MYO7A: variants seen among roughly 807,000 people sequenced by gnomAD.
MYO7A encodes unconventional myosin-VIIa.
In MYO7A, 210 loss-of-function variants were observed where a neutral mutation model predicts 263.8. The observed-to-expected ratio is 0.80, with a 90% confidence interval of 0.71 to 0.89. MYO7A has a LOEUF of 0.89. Ranked by LOEUF, MYO7A falls within the 40% of genes least tolerant of loss-of-function variation. The probability of loss-of-function intolerance (pLI) is 0.00; values close to 1 mark genes in which losing one functional copy is unlikely to be tolerated. For missense variants in MYO7A, 2,820 were observed against 2,968.3 expected (o/e 0.95, Z 1.16); for synonymous variants, 1,239 against 1,197.3 (o/e 1.03, Z -0.72).
Position 77,156,701 on chromosome 11 carries a change from T to A in MYO7A, c.512T>A (p.Ile171Asn), listed in dbSNP as rs1952494762. Residue 171 changes from isoleucine (I) to asparagine (N), a missense_variant, in exon 6 of 49, where the codon ATC becomes AAC. Ile to Asn is a moderately radical substitution (Grantham distance 149). Transcript: ENST00000409709. Reference sequence around the variant, plus strand: ...GGGAAGACGGAGAGCACAAAGCTGATCCTGCAGTTCCTGGCAGCCATCAGT... The same window carrying A: ...GGGAAGACGGAGAGCACAAAGCTGAACCTGCAGTTCCTGGCAGCCATCAGT... Reference protein sequence around the residue: ...GAGKTESTKLILQFLAAISGQ... With the variant: ...GAGKTESTKLNLQFLAAISGQ... 1 of 1,613,822 alleles carries A rather than the reference T, an allele frequency of 6.2e-7. No individual in the cohort carries two copies. Among genetic ancestry groups the A allele is most frequent in the Non-Finnish European group, 8.5e-7 (1 of 1,179,888 alleles).
chr11:77,158,221 C>G (rs1288283512), intron 8 of MYO7A, 56 bp from the exon 9 acceptor site: 1 of 1,503,334 alleles, frequency 6.7e-7, no homozygotes, highest in African/African-American at 1.4e-5. Flanking sequence ...AGGCACTGCC[C>G]CTCTGGGGGT....
chr11:77,163,665 A>C (rs1488540921), intron 14 of MYO7A, among the ~76,000 whole-genome samples: 1 of 152,246 alleles, frequency 6.6e-6, no homozygotes, highest in Non-Finnish European at 1.5e-5. Context: ...TCTGTGGTGA[A>C]GACGTGACTG....
At chr11:77,131,637 G>A (rs960181680) in intron 2 of MYO7A, among the ~76,000 whole-genome samples, 2 of 152,132 alleles carry the variant, frequency 1.3e-5, no homozygotes, top group African/African-American at 2.4e-5. Context: ...CTCCAGGGGC[G>A]TCCTCCCTCA....
intron 3 of MYO7A, among the ~76,000 whole-genome samples, chr11:77,144,974 G>A (rs919411371): frequency 4.6e-5 from 7 of 152,244 alleles, no homozygotes; most frequent in African/African-American, 1.7e-4. Flanking sequence ...CATTTCTTCA[G>A]GCCAGGCCTC....
chr11:77,148,508 C>G (rs556750891), intron 4 of MYO7A, among the ~76,000 whole-genome samples: 2 of 152,164 alleles, frequency 1.3e-5, no homozygotes, highest in Non-Finnish European at 2.9e-5. Context: ...ATGTCTGCCC[C>G]AGCCAGGACA....
At chr11:77,155,491 G>A (rs1555060728) in intron 4 of MYO7A, among the ~76,000 whole-genome samples, 1 of 152,184 alleles carries the variant, frequency 6.6e-6, no homozygotes, top group Admixed American at 6.5e-5. Context: ...ACATGGTCCC[G>A]TTGATTAATT....
intron 4 of MYO7A, among the ~76,000 whole-genome samples, chr11:77,151,109 G>C (rs34643147): frequency 0.089 from 13,583 of 152,258 alleles, 720 homozygotes; most frequent in Middle Eastern, 0.23. Flanking sequence ...GCATCCCAGG[G>C]CCACACATCA....
At chr11:77,173,013 G>A (rs962263016) in intron 16 of MYO7A, 128 bp downstream of exon 16, 94 of 1,332,048 alleles carry the variant, frequency 7.1e-5, no homozygotes, top group Middle Eastern at 2.1e-4. Flanking sequence ...GGGGCACCCC[G>A]GGAGCTTACA....
chr11:77,170,836 T>C (rs1283380602), intron 15 of MYO7A, among the ~76,000 whole-genome samples: 1 of 151,902 alleles, frequency 6.6e-6, no homozygotes, highest in African/African-American at 2.4e-5. Flanking sequence ...TGGTGAGGGG[T>C]CAGGTTCTGG....
At chr11:77,172,666 C>T in intron 15 of MYO7A, 82 bp from the exon 16 acceptor site, 1 of 1,526,476 alleles carries the variant, frequency 6.6e-7, no homozygotes, top group Non-Finnish European at 8.8e-7. Flanking sequence ...CTGACCTCCC[C>T]TCCCGCTTCC....
chr11:77,208,128 A>G (rs1168428732), intron 42 of MYO7A, among the ~76,000 whole-genome samples: 5 of 152,310 alleles, frequency 3.3e-5, no homozygotes, highest in East Asian at 1.9e-4. Context: ...CTGGACATGG[A>G]TGCCAGAGAA....
At chr11:77,149,912 C>T (rs1273041094) in intron 4 of MYO7A, among the ~76,000 whole-genome samples, 1 of 152,170 alleles carries the variant, frequency 6.6e-6, no homozygotes, top group Non-Finnish European at 1.5e-5. Context: ...CACCCACCCG[C>T]CGTATCTCAC....
Position 77,192,915 on chromosome 11 carries a change from G to GA in MYO7A, c.4152+637_4152+638insA, listed in dbSNP as rs1956226464. Among the ~76,000 whole-genome samples the GA allele has an allele frequency of 2.1e-3, 12 of 5,786 alleles. 1 individual carries two copies. In the South Asian group the frequency reaches 0.023, roughly 11 times the overall value. The allele number at this position is 5,786 out of a possible 152,430, so 3.8% of individuals were successfully genotyped here. ...TAGTGATGGTGTTGGTGATGGTGGA[G>GA]GGTAGTGATGGTGTTGTTTGTGATG... On this transcript the variant is annotated intron_variant, in intron 31 of 48. Coordinates refer to ENST00000409709, the MANE Select transcript of MYO7A (RefSeq NM_000260.4).
In MYO7A at chr11:77,156,046, A is replaced by G. The variant is rs781955330; in HGVS notation, c.425A>G (p.Tyr142Cys). 1.9e-6 allele frequency: 3 copies of G among 1,613,964 alleles called. No individual in the cohort carries two copies. The highest frequency in any genetic ancestry group is 4.5e-5 in the East Asian group (2 of 44,888). ...ATCTTTGCCATTGCTGACAACTGCT[A>G]CTTCAACATGAAACGCAACAGCCGA... is the stretch of plus-strand genomic sequence containing the variant. ...PHIFAIADNCYFNMKRNSRDQ... is the reference protein window; with the variant it reads ...PHIFAIADNCCFNMKRNSRDQ... Residue 142 changes from tyrosine (Y) to cysteine (C), a missense_variant, in exon 5 of 49, where the codon TAC becomes TGC. By Grantham distance (194) the Tyr-to-Cys change is radical (BLOSUM62 -2). Coordinates refer to ENST00000409709, the MANE Select transcript of MYO7A (RefSeq NM_000260.4).
At position 77,211,815 on chromosome 11, in the gene MYO7A, C is replaced by G; in HGVS notation, c.6238-6C>G. 1 of 1,612,760 alleles carries G rather than the reference C, an allele frequency of 6.2e-7. No homozygotes were observed. Among genetic ancestry groups the G allele is most frequent in the African/African-American group, 1.3e-5 (1 of 75,008 alleles). The stretch of plus-strand genomic sequence containing the variant: ...GAGCCCAGCCCTGACCGCCCTGTCC[C>G]CATAGTCCATCGTCGCCTACTTCAA... On this transcript the variant is annotated splice_polypyrimidine_tract_variant and splice_region_variant and intron_variant, in intron 45 of 48. Coordinates refer to ENST00000409709, the MANE Select transcript of MYO7A (RefSeq NM_000260.4).
rs751796971 is a variant in MYO7A, at chr11:77,213,873, C to T, written c.6452C>T (p.Thr2151Ile). ...IDPKTKDILT[T>I]HPFTKISNWS... The stretch of plus-strand genomic sequence containing the variant: ...CTGCTCCCCCAGGATATCCTCACCA[C>T]TCATCCCTTCACCAAGATCTCCAAC... Residue 2151 changes from threonine to isoleucine, a missense_variant, in exon 48 of 49, where the codon ACT (threonine) becomes ATT (isoleucine). Thr to Ile is a moderately conservative substitution (Grantham distance 89). Transcript: ENST00000409709. 1 of 1,614,078 alleles carries T rather than the reference C, an allele frequency of 6.2e-7. No individual in the cohort carries two copies. Among genetic ancestry groups the T allele is most frequent in the South Asian group, 1.1e-5 (1 of 91,088 alleles).
At position 77,202,291 on chromosome 11, in the gene MYO7A, G is replaced by T. The variant is rs1259570268; in HGVS notation, c.5044-9G>T. The T allele has an allele frequency of 1.3e-6, 2 of 1,580,428 alleles. No homozygotes were observed. Among genetic ancestry groups the T allele is most frequent in the Non-Finnish European group, 1.7e-6 (2 of 1,161,870 alleles). ...AGCTGACCTGAGCCCCCTGTCTCTT[G>T]GTCCCTAGGCCCTGGTCACCATGAC... On this transcript the variant is annotated splice_polypyrimidine_tract_variant and intron_variant, in intron 36 of 48. Coordinates refer to ENST00000409709, the MANE Select transcript of MYO7A (RefSeq NM_000260.4).
intron 46 of MYO7A, chr11:77,212,290 T>C (rs1254243262): frequency 2.4e-6 from 1 of 421,232 alleles, no homozygotes; most frequent in Admixed American, 2.7e-5. Context: ...TATCTGAGCT[T>C]TCCAGGCAGA....
intron 16 of MYO7A, among the ~76,000 whole-genome samples, chr11:77,174,256 T>G (rs547102338): frequency 1.3e-3 from 193 of 152,136 alleles, no homozygotes; most frequent in African/African-American, 4.3e-3. Context: ...TAGAAAGTTG[T>G]CTGAATAACC....
Sources: allele counts gnomAD v4.1 joint callset (sites outside exome capture counted in the v4.1 genomes callset), GRCh38; gene constraint gnomAD v4.1.1; transcripts MANE v1.5; gene names NCBI Gene and HGNC (gene_info 2026-07-23, HGNC 2026-07-21).